Variants in DSCAM observed in about 807,000 individuals in gnomAD.
The protein encoded by DSCAM is DS cell adhesion molecule.
DSCAM carries 47 observed loss-of-function variants against 217.7 expected under a neutral mutation model. The ratio of observed to expected loss-of-function variants is 0.22; its 90% CI spans 0.17 to 0.28. DSCAM has a LOEUF of 0.28. Ranked by LOEUF, DSCAM falls within the 10% of genes least tolerant of loss-of-function variation. The pLI is 1.00. For missense variants in DSCAM, 2,080 were observed against 2,618.3 expected (o/e 0.79, Z 4.49); for synonymous variants, 1,056 against 1,015.3 (o/e 1.04, Z -0.76).
chr21:40,634,294 T>C (rs1312592322), intron 3 of DSCAM, among the ~76,000 whole-genome samples: 1 of 152,212 alleles, frequency 6.6e-6, no homozygotes, highest in African/African-American at 2.4e-5. Flanking sequence ...TCCGTAATTT[T>C]TGGTGGCAGC....
intron 3 of DSCAM, among the ~76,000 whole-genome samples, chr21:40,499,187 A>C (rs1435337552): frequency 6.6e-6 from 1 of 152,174 alleles, no homozygotes; most frequent in African/African-American, 2.4e-5. Flanking sequence ...TAAAAGATTG[A>C]AAAGATTACT....
At chr21:40,052,820 C>T (rs909175986) in intron 29 of DSCAM, among the ~76,000 whole-genome samples, 4 of 152,154 alleles carry the variant, frequency 2.6e-5, no homozygotes, top group South Asian at 2.1e-4. Context: ...GAGGCAGGAG[C>T]CTGGGTTTGG....
At chr21:40,520,307 T>C (rs1378877386) in intron 3 of DSCAM, among the ~76,000 whole-genome samples, 1 of 152,068 alleles carries the variant, frequency 6.6e-6, no homozygotes, top group Admixed American at 6.6e-5. Context: ...CAAGAGAAAA[T>C]AATTCTCTGC....
At chr21:40,695,852 A>G (rs2090589141) in intron 2 of DSCAM, among the ~76,000 whole-genome samples, 3 of 152,298 alleles carry the variant, frequency 2.0e-5, no homozygotes, top group African/African-American at 7.2e-5. Flanking sequence ...TCAGGGTTTT[A>G]TTAAAGCTCC....
At chr21:40,058,055 G>C (rs2089056052) in intron 28 of DSCAM, among the ~76,000 whole-genome samples, 1 of 151,812 alleles carries the variant, frequency 6.6e-6, no homozygotes, top group Non-Finnish European at 1.5e-5. Flanking sequence ...TGTATTTTTA[G>C]TAGAGACCGG....
intron 17 of DSCAM, among the ~76,000 whole-genome samples, chr21:40,143,584 G>A (rs1402512976): frequency 2.6e-5 from 4 of 152,186 alleles, no homozygotes; most frequent in Non-Finnish European, 5.9e-5. Flanking sequence ...GAGGTCAGGA[G>A]ATCGAGACCA....
chr21:40,398,736 G>A (rs1488277279), intron 3 of DSCAM, among the ~76,000 whole-genome samples: 3 of 149,672 alleles, frequency 2.0e-5, no homozygotes, highest in East Asian at 4.0e-4. Context: ...CTGGGTTCAA[G>A]CGATTCTACT....
At chr21:40,101,456 GT>G (rs5843998) in intron 20 of DSCAM, among the ~76,000 whole-genome samples, 60,458 of 150,390 alleles carry the variant, frequency 0.4, 14,361 homozygotes, top group African/African-American at 0.67. Flanking sequence ...GTGGAAGACA[GT>G]TTTTTTTTTC....
chr21:40,430,619 T>C lies in DSCAM; in HGVS notation c.509-61374A>G, dbSNP rs2205089. Among the ~76,000 whole-genome samples the C allele has an allele frequency of 8.7e-3, 1,321 of 151,992 alleles. 20 individuals carry two copies. The highest frequency in any genetic ancestry group is 0.03 in the African/African-American group (1,256 of 41,522). On this transcript the variant is annotated intron_variant, in intron 3 of 32. Coordinates refer to ENST00000400454, the MANE Select transcript of DSCAM (RefSeq NM_001389.5). ...TAAGTTAATACGTAATAAACTCCCC[T>C]ATATATATACACACATATCTATCCT...
chr21:40,084,945 G>A (rs1031856268), intron 23 of DSCAM, among the ~76,000 whole-genome samples: 3 of 149,820 alleles, frequency 2.0e-5, no homozygotes, highest in Non-Finnish European at 4.4e-5. Context: ...ATCTATTAAT[G>A]TGACAACACC....
At chr21:40,628,641 CTTGAG>C (rs1349263280) in intron 3 of DSCAM, among the ~76,000 whole-genome samples, 2 of 152,168 alleles carry the variant, frequency 1.3e-5, no homozygotes, top group African/African-American at 4.8e-5. Flanking sequence ...TTTGTTGACT[CTTGAG>C]TTAATAGATG....
At chr21:40,707,002 T>A (rs1216182966) in intron 2 of DSCAM, among the ~76,000 whole-genome samples, 1 of 152,144 alleles carries the variant, frequency 6.6e-6, no homozygotes, top group Non-Finnish European at 1.5e-5. Flanking sequence ...CCAGACAAGA[T>A]GATGCAATGT....
intron 16 of DSCAM, among the ~76,000 whole-genome samples, chr21:40,146,261 C>A (rs1200611730): frequency 1.5e-5 from 1 of 67,248 alleles, no homozygotes; most frequent in Non-Finnish European, 3.4e-5. Flanking sequence ...GTGGGCTTGA[C>A]GGAGGGGGGG....
chr21:40,091,616 G>C lies in DSCAM; in HGVS notation c.3850+2105C>G, dbSNP rs139817341. ...TTTTGTGATGCTTTGTTTACTGACTGTATTAGTCTGTTCTCATGCTGCTAA... is the reference window on the plus strand; with the variant it reads ...TTTTGTGATGCTTTGTTTACTGACTCTATTAGTCTGTTCTCATGCTGCTAA... On this transcript the variant is annotated intron_variant, in intron 21 of 32. Transcript: ENST00000400454. Among the ~76,000 whole-genome samples the C allele has an allele frequency of 4.4e-3, 673 of 152,204 alleles. 7 individuals are homozygous for C. The highest frequency in any genetic ancestry group is 0.016 in the African/African-American group (646 of 41,518).
chr21:40,238,689 C>A (rs957981577), intron 11 of DSCAM, among the ~76,000 whole-genome samples: 4 of 152,180 alleles, frequency 2.6e-5, no homozygotes, highest in Admixed American at 6.5e-5. Flanking sequence ...CATCTCTTTC[C>A]TTTTCCATGC....
At chr21:40,167,984 C>G (rs1223336476) in intron 15 of DSCAM, among the ~76,000 whole-genome samples, 2 of 152,126 alleles carry the variant, frequency 1.3e-5, no homozygotes, top group African/African-American at 2.4e-5. Flanking sequence ...TTGCTTGAAT[C>G]CAGGAGGCAG....
At position 40,341,636 on chromosome 21, in the gene DSCAM, G is replaced by A. The variant is rs191198976; in HGVS notation, c.1211-2221C>T. ...GAGATCACTGCTCTGATTCCTCTTA[G>A]GATGTGCTGGTTTTGCCTGTGCTTG... On this transcript the variant is annotated intron_variant, in intron 6 of 32. Transcript: ENST00000400454. Among the ~76,000 whole-genome samples the A allele has an allele frequency of 1.5e-3, 235 of 152,262 alleles. 1 individual carries two copies. Among genetic ancestry groups the A allele is most frequent in the African/African-American group, 5.2e-3 (218 of 41,550 alleles).
chr21:40,399,481 C>G (rs1451741717), intron 3 of DSCAM, among the ~76,000 whole-genome samples: 1 of 152,154 alleles, frequency 6.6e-6, no homozygotes, highest in Non-Finnish European at 1.5e-5. Context: ...TTGTCAATTC[C>G]TGTGTGCATG....
chr21:40,105,549 G>A (rs1307425416), intron 20 of DSCAM, among the ~76,000 whole-genome samples: 7 of 152,112 alleles, frequency 4.6e-5, no homozygotes, highest in African/African-American at 1.7e-4. Flanking sequence ...CGTGAAGAAG[G>A]ACATGTTTGT....
Sources: allele counts gnomAD v4.1 joint callset (sites outside exome capture counted in the v4.1 genomes callset), GRCh38; gene constraint gnomAD v4.1.1; transcripts MANE v1.5; gene names NCBI Gene and HGNC (gene_info 2026-07-23, HGNC 2026-07-21).